AP3B1: variants seen among roughly 807,000 people sequenced by gnomAD.
The protein encoded by AP3B1 is adaptor related protein complex 3 subunit beta 1, also known as AP-3 complex subunit beta-1.
Under a neutral mutation model 132.5 loss-of-function variants are expected in AP3B1, and 61 were observed. The ratio of observed to expected loss-of-function variants is 0.46; its 90% CI spans 0.37 to 0.57. The LOEUF (loss-of-function observed/expected upper bound fraction) is 0.57. Ranked by LOEUF, AP3B1 falls within the 20% of genes least tolerant of loss-of-function variation. AP3B1 has a pLI of 0.00. For missense variants in AP3B1, 1,120 were observed against 1,289.4 expected (o/e 0.87, Z 2.01); for synonymous variants, 388 against 438.3 (o/e 0.89, Z 1.43).
At chr5:78,058,967 G>C (rs984887333) in intron 22 of AP3B1, among the ~76,000 whole-genome samples, 2 of 152,182 alleles carry the variant, frequency 1.3e-5, no homozygotes, top group South Asian at 2.1e-4. Flanking sequence ...AAGTGAGGTG[G>C]TATACAGAAA....
chr5:78,096,875 G>T (rs576255282), intron 21 of AP3B1, among the ~76,000 whole-genome samples: 27 of 150,060 alleles, frequency 1.8e-4, no homozygotes, highest in African/African-American at 6.4e-4. Flanking sequence ...CGCCCCGTCC[G>T]GGAGGGAGGT....
At chr5:78,106,717 G>C (rs1751355481) in intron 20 of AP3B1, among the ~76,000 whole-genome samples, 1 of 152,094 alleles carries the variant, frequency 6.6e-6, no homozygotes, top group South Asian at 2.1e-4. Flanking sequence ...AGAAGAAACA[G>C]ACATGAGAAA....
chr5:78,211,722 T>A (rs889932271), intron 7 of AP3B1, among the ~76,000 whole-genome samples: 2 of 152,210 alleles, frequency 1.3e-5, no homozygotes, highest in African/African-American at 4.8e-5. Flanking sequence ...GCCTCAAAGC[T>A]GGTTTTGACC....
At chr5:78,041,085 A>G (rs988109643) in intron 22 of AP3B1, among the ~76,000 whole-genome samples, 6 of 151,848 alleles carry the variant, frequency 4.0e-5, no homozygotes, top group African/African-American at 1.5e-4. Context: ...GACCAGCCTG[A>G]TCAACATGGA....
chr5:78,115,853 T>C (rs1751802395), intron 18 of AP3B1, among the ~76,000 whole-genome samples: 1 of 152,180 alleles, frequency 6.6e-6, no homozygotes, highest in African/African-American at 2.4e-5. Context: ...TATTAGGCAT[T>C]GTGGTTTAGA....
chr5:78,238,541 C>T (rs1426377749), intron 3 of AP3B1, among the ~76,000 whole-genome samples: 1 of 152,008 alleles, frequency 6.6e-6, no homozygotes, highest in African/African-American at 2.4e-5. Context: ...TCCTAGGCTA[C>T]AAATCTGTAC....
rs1398593173 is a variant in AP3B1, at chr5:78,160,594, T to A, written c.1363+2225A>T. On this transcript the variant is annotated intron_variant, in intron 13 of 26. Transcript: ENST00000255194. ...CTAAATGTCCCTGAGGTTTAAAGAT[T>A]CATTATTTGAACAGATGATGAGGTA... Among the ~76,000 whole-genome samples, 4 of 152,258 alleles carry A rather than the reference T, an allele frequency of 2.6e-5. No individual in the cohort carries two copies. In the East Asian group the frequency reaches 7.7e-4, roughly 29 times the overall value.
chr5:78,181,061 A>T (rs1362706250), intron 8 of AP3B1, among the ~76,000 whole-genome samples: 2 of 152,098 alleles, frequency 1.3e-5, no homozygotes. Context: ...AGACAGATAC[A>T]AACAGTATGG....
chr5:78,127,985 T>C (rs1752532064), intron 17 of AP3B1, 45 bp downstream of exon 17: 1 of 1,605,184 alleles, frequency 6.2e-7, no homozygotes, highest in Admixed American at 1.7e-5. Flanking sequence ...TATCCTAGAG[T>C]CTTCCACTGC....
At chr5:78,132,195 T>G (rs147699618) in intron 15 of AP3B1, among the ~76,000 whole-genome samples, 107 of 152,350 alleles carry the variant, frequency 7.0e-4, no homozygotes, top group African/African-American at 2.3e-3. Context: ...TTTGTTCGCA[T>G]GCACAACAAC....
intron 22 of AP3B1, among the ~76,000 whole-genome samples, chr5:78,051,921 C>T (rs1349308834): frequency 6.6e-6 from 1 of 152,106 alleles, no homozygotes. Flanking sequence ...ACAGTATTGT[C>T]TCATTTATCC....
chr5:78,128,196 A>G, intron 16 of AP3B1, 36 bp from the exon 17 acceptor site: 1 of 1,508,936 alleles, frequency 6.6e-7, no homozygotes, highest in Non-Finnish European at 9.1e-7. Flanking sequence ...AATAAACAAT[A>G]TGAGCTGTAT....
chr5:78,205,309 T>C (rs1745458213), intron 7 of AP3B1, among the ~76,000 whole-genome samples: 1 of 152,116 alleles, frequency 6.6e-6, no homozygotes, highest in South Asian at 2.1e-4. Flanking sequence ...GCTCATGCTC[T>C]GGTTTCTCTT....
At chr5:78,035,752 C>T (rs901410787) in intron 23 of AP3B1, among the ~76,000 whole-genome samples, 1 of 152,074 alleles carries the variant, frequency 6.6e-6, no homozygotes, top group African/African-American at 2.4e-5. Context: ...CATTTGTTTA[C>T]AAACCTAACA....
intron 22 of AP3B1, among the ~76,000 whole-genome samples, chr5:78,084,863 TTA>T (rs759442311): frequency 1.2e-4 from 18 of 152,070 alleles, no homozygotes; most frequent in Non-Finnish European, 2.4e-4. Context: ...AAAATTTAGA[TTA>T]TATATATAAC....
rs749211649 is a variant in AP3B1, at chr5:78,266,546, C to T, written c.204+974G>A. On this transcript the variant is annotated intron_variant, in intron 2 of 26. Coordinates refer to ENST00000255194, the MANE Select transcript of AP3B1 (RefSeq NM_003664.5). ...GGAAAAGAGATCTGAAGCTCTCATA[C>T]GATGGCACTGCCTGCTGGAAAACAG... is the stretch of plus-strand genomic sequence containing the variant. 2.6e-5 allele frequency among the ~76,000 whole-genome samples: 4 copies of T among 152,108 alleles called. No individual in the cohort carries two copies. In the East Asian group the frequency reaches 5.8e-4, roughly 22 times the overall value.
intron 21 of AP3B1, among the ~76,000 whole-genome samples, chr5:78,093,459 A>G (rs936760530): frequency 2.6e-5 from 4 of 152,338 alleles, no homozygotes; most frequent in Middle Eastern, 3.4e-3. Context: ...ATCTAAACTG[A>G]TATGTCAGAA....
intron 2 of AP3B1, among the ~76,000 whole-genome samples, chr5:78,259,831 G>A (rs568820789): frequency 1.3e-5 from 2 of 152,190 alleles, no homozygotes; most frequent in Admixed American, 6.5e-5. Flanking sequence ...TTGGCTGGGT[G>A]TGGTGGTGGG....
chr5:78,129,617 G>A (rs928840453), intron 15 of AP3B1, among the ~76,000 whole-genome samples: 4 of 152,018 alleles, frequency 2.6e-5, no homozygotes, highest in Non-Finnish European at 4.4e-5. Flanking sequence ...AGGGGTCTAC[G>A]TGAGAATAAT....
Sources: allele counts gnomAD v4.1 joint callset (sites outside exome capture counted in the v4.1 genomes callset), GRCh38; gene constraint gnomAD v4.1.1; transcripts MANE v1.5; gene names NCBI Gene and HGNC (gene_info 2026-07-23, HGNC 2026-07-21).